The following ZNF804B variants were observed in gnomAD, a reference collection of about 807,000 sequenced individuals.
The protein encoded by ZNF804B is zinc finger protein 804B, also known as zinc finger 804B.
ZNF804B carries 80 observed loss-of-function variants against 101.4 expected under a neutral mutation model. The ratio of observed to expected loss-of-function variants is 0.79; its 90% CI spans 0.66 to 0.95. The LOEUF is 0.95. ZNF804B is among the 40% of genes least tolerant of loss of function. The pLI, the probability that ZNF804B is intolerant of heterozygous loss-of-function variation, is 0.00. For synonymous variants in ZNF804B, 622 were observed against 558.8 expected (o/e 1.11, Z -1.59); for missense variants, 1,673 against 1,561.9 (o/e 1.07, Z -1.20).
At chr7:89,237,592 A>G (rs960335691) in intron 2 of ZNF804B, among the ~76,000 whole-genome samples, 1 of 152,192 alleles carries the variant, frequency 6.6e-6, no homozygotes, top group African/African-American at 2.4e-5. Flanking sequence ...TCTAGGCAGA[A>G]GGTGCAGGAA....
intron 1 of ZNF804B, among the ~76,000 whole-genome samples, chr7:89,144,083 T>A (rs913995221): frequency 1.3e-5 from 2 of 152,026 alleles, no homozygotes; most frequent in Admixed American, 1.3e-4. Context: ...TAAATTCTTA[T>A]AATACAGTAT....
At chr7:89,290,183 G>A (rs534612172) in intron 2 of ZNF804B, among the ~76,000 whole-genome samples, 1 of 152,196 alleles carries the variant, frequency 6.6e-6, no homozygotes, top group South Asian at 2.1e-4. Flanking sequence ...TAACTAAAGA[G>A]CACATGGGCA....
chr7:88,998,521 C>T (rs1467486345), intron 1 of ZNF804B, among the ~76,000 whole-genome samples: 1 of 151,942 alleles, frequency 6.6e-6, no homozygotes, highest in Non-Finnish European at 1.5e-5. Flanking sequence ...GATATTATCT[C>T]CAAATTTACC....
At chr7:89,003,794 G>C (rs912451555) in intron 1 of ZNF804B, among the ~76,000 whole-genome samples, 3 of 151,832 alleles carry the variant, frequency 2.0e-5, no homozygotes, top group Non-Finnish European at 2.9e-5. Context: ...CTTATAAATA[G>C]TGTTCTCTTT....
At chr7:88,775,383 G>C (rs576204433) in intron 1 of ZNF804B, among the ~76,000 whole-genome samples, 1 of 152,252 alleles carries the variant, frequency 6.6e-6, no homozygotes, top group African/African-American at 2.4e-5. Flanking sequence ...AACCATGCAG[G>C]ACCCTGTAGG....
chr7:88,974,487 A>G (rs1295960215), intron 1 of ZNF804B, among the ~76,000 whole-genome samples: 8 of 151,254 alleles, frequency 5.3e-5, no homozygotes, highest in Admixed American at 2.6e-4. Context: ...CATGATAAAT[A>G]TATATAATTT....
At chr7:89,295,875 C>T (rs1790374297) in intron 2 of ZNF804B, among the ~76,000 whole-genome samples, 1 of 152,092 alleles carries the variant, frequency 6.6e-6, no homozygotes, top group African/African-American at 2.4e-5. Flanking sequence ...AGCTGGAGGA[C>T]ACTATTCTAA....
At chr7:88,937,429 A>G (rs1042095814) in intron 1 of ZNF804B, among the ~76,000 whole-genome samples, 1 of 152,104 alleles carries the variant, frequency 6.6e-6, no homozygotes, top group Non-Finnish European at 1.5e-5. Flanking sequence ...CCTGCAAAAT[A>G]TTAGGGAAGC....
intron 1 of ZNF804B, among the ~76,000 whole-genome samples, chr7:89,171,412 C>G (rs1477422400): frequency 4.6e-5 from 5 of 108,478 alleles, no homozygotes; most frequent in African/African-American, 1.7e-4. Context: ...TCTTCTTCTT[C>G]TTCTTCTCCT....
intron 2 of ZNF804B, among the ~76,000 whole-genome samples, chr7:89,222,510 G>T (rs754488056): frequency 6.6e-6 from 1 of 151,882 alleles, no homozygotes. Context: ...TTTGGAAAGG[G>T]TCTGAACTGC....
rs757795215 is a variant in ZNF804B at position 89,335,609 on chromosome 7, G to T, written c.2627G>T (p.Gly876Val). Residue 876 changes from glycine (G) to valine (V), a missense_variant, in exon 4 of 4, where the codon GGC (glycine) becomes GTC (valine). Gly to Val is a moderately radical substitution (Grantham distance 109). Coordinates refer to ENST00000333190, the MANE Select transcript of ZNF804B (RefSeq NM_181646.5). ...AGCAAGAGAAATCAAGAGTCTTTGG[G>T]CAGCCCTCACATTTGTGATCTGGGA... Reference protein sequence around the residue: ...NKSKRNQESLGSPHICDLGKV... With the variant: ...NKSKRNQESLVSPHICDLGKV... 5.6e-6 allele frequency: 9 copies of T among 1,613,832 alleles called. No homozygotes were observed. The highest frequency in any genetic ancestry group is 7.6e-6 in the Non-Finnish European group (9 of 1,179,954).
At chr7:89,281,678 C>T (rs1309093325) in intron 2 of ZNF804B, among the ~76,000 whole-genome samples, 1 of 152,084 alleles carries the variant, frequency 6.6e-6, no homozygotes, top group Non-Finnish European at 1.5e-5. Context: ...AAATAAATAT[C>T]TCTGTAGACT....
intron 1 of ZNF804B, among the ~76,000 whole-genome samples, chr7:89,087,609 A>G (rs1789824572): frequency 6.6e-6 from 1 of 151,960 alleles, no homozygotes; most frequent in Admixed American, 6.6e-5. Flanking sequence ...CATATATTTG[A>G]TTCTATATGT....
At chr7:89,322,374 C>T (rs801828) in intron 2 of ZNF804B, among the ~76,000 whole-genome samples, 25,754 of 152,000 alleles carry the variant, frequency 0.17, 3,777 homozygotes, top group East Asian at 0.69. Context: ...GACCTGACAT[C>T]ATGCAGAATA....
chr7:88,804,832 C>A (rs1329408239), intron 1 of ZNF804B, among the ~76,000 whole-genome samples: 5 of 152,046 alleles, frequency 3.3e-5, no homozygotes, highest in African/African-American at 1.2e-4. Flanking sequence ...AAGTTTAGAG[C>A]TGGAGGGGAA....
chr7:88,921,797 G>T (rs1310437192), intron 1 of ZNF804B, among the ~76,000 whole-genome samples: 1 of 151,842 alleles, frequency 6.6e-6, no homozygotes, highest in Non-Finnish European at 1.5e-5. Flanking sequence ...ATATGTTTAG[G>T]AATAAACATG....
intron 2 of ZNF804B, among the ~76,000 whole-genome samples, chr7:89,267,338 A>G (rs1019532562): frequency 6.6e-6 from 1 of 152,124 alleles, no homozygotes; most frequent in African/African-American, 2.4e-5. Context: ...ATATCAGCCT[A>G]TGTTATCAGG....
intron 1 of ZNF804B, among the ~76,000 whole-genome samples, chr7:89,109,136 T>C (rs1450682237): frequency 6.6e-6 from 1 of 151,170 alleles, no homozygotes; most frequent in Non-Finnish European, 1.5e-5. Flanking sequence ...CACGCATTAC[T>C]TGTAATTACC....
At chr7:89,178,884 G>T (rs192310967) in intron 1 of ZNF804B, among the ~76,000 whole-genome samples, 3 of 152,042 alleles carry the variant, frequency 2.0e-5, no homozygotes, top group African/African-American at 7.2e-5. Flanking sequence ...CCTTTTGTTC[G>T]TCTGGGAAAG....
Sources: allele counts gnomAD v4.1 joint callset (sites outside exome capture counted in the v4.1 genomes callset), GRCh38; gene constraint gnomAD v4.1.1; transcripts MANE v1.5; gene names NCBI Gene and HGNC (gene_info 2026-07-23, HGNC 2026-07-21).